ADGRV1: variants seen among roughly 807,000 people sequenced by gnomAD.
ADGRV1 encodes the protein adhesion G protein-coupled receptor V1, also known as G-protein coupled receptor 98.
A neutral mutation model predicts 596.2 loss-of-function variants in ADGRV1; 359 were observed. That is an observed-to-expected ratio of 0.60 (90% CI 0.55 to 0.66). The LOEUF (loss-of-function observed/expected upper bound fraction) is 0.66, where lower values mean the gene tolerates loss of function less well. Ranked by LOEUF, ADGRV1 falls within the 30% of genes least tolerant of loss-of-function variation. ADGRV1 has a pLI of 0.00. For missense variants in ADGRV1, 7,274 were observed against 7,575.6 expected (o/e 0.96, Z 1.48); for synonymous variants, 2,681 against 2,679.2 (o/e 1.00, Z -0.02).
At chr5:91,056,141 T>G (rs1303176086) in intron 85 of ADGRV1, among the ~76,000 whole-genome samples, 3 of 152,230 alleles carry the variant, frequency 2.0e-5, no homozygotes, top group Non-Finnish European at 4.4e-5. Context: ...GCGTTGGTTG[T>G]GCGACGTGTG....
intron 86 of ADGRV1, among the ~76,000 whole-genome samples, chr5:91,092,149 G>A (rs1790441325): frequency 6.6e-6 from 1 of 152,140 alleles, no homozygotes; most frequent in Admixed American, 6.5e-5. Context: ...CACCCAGGCT[G>A]GAGTGCAATG....
intron 77 of ADGRV1, among the ~76,000 whole-genome samples, chr5:90,840,325 G>C (rs985791170): frequency 6.6e-6 from 1 of 152,112 alleles, no homozygotes; most frequent in African/African-American, 2.4e-5. Context: ...GACATTTCTG[G>C]TCTAATTTGC....
intron 75 of ADGRV1, among the ~76,000 whole-genome samples, chr5:90,819,025 G>T (rs1430586472): frequency 5.3e-5 from 8 of 152,092 alleles, no homozygotes; most frequent in African/African-American, 9.7e-5. Flanking sequence ...GTAGAAATCG[G>T]CTGTGAATCC....
rs2149401471 is a variant in ADGRV1, at chr5:90,635,148, T to C, written c.1874T>C (p.Leu625Pro). The change falls in exon 10 of 90, where the codon CTA becomes CCA. Residue 625 changes from leucine (L) to proline (P), a missense_variant. Leu to Pro is a moderately conservative substitution (Grantham distance 98, BLOSUM62 -3). Around this residue, in one of 5 missense-constraint regions of ADGRV1, gnomAD observed 1,715 missense variants for 1,708.8 expected, o/e 1.00. Coordinates refer to ENST00000405460, the MANE Select transcript of ADGRV1 (RefSeq NM_032119.4). ...GTGGAGTTGTTAAACATAATTCCTC[T>C]AATCCCACCCATAAGCCCTAGATTT... ...ETVELLNIIP[L>P]IPPISPRFGE... 2 of 1,606,908 alleles carry C rather than the reference T, an allele frequency of 1.2e-6. No homozygotes were observed. Among genetic ancestry groups the C allele is most frequent in the Non-Finnish European group, 8.5e-7 (1 of 1,173,684 alleles).
intron 3 of ADGRV1, 111 bp downstream of exon 3, chr5:90,618,064 C>T: frequency 1.4e-6 from 1 of 711,456 alleles, no homozygotes; most frequent in Non-Finnish European, 2.2e-6. Flanking sequence ...ATTCAGATAA[C>T]TGGTGGTGGT....
rs761377243 is a variant in ADGRV1 at position 90,683,561 on chromosome 5, G to T, written c.5665-25G>T. On this transcript the variant is annotated intron_variant, in intron 27 of 89. Coordinates refer to ENST00000405460, the MANE Select transcript of ADGRV1 (RefSeq NM_032119.4). Reference sequence around the variant, plus strand: ...ACTGGCTTTAATCTCTCTTTTAATAGATTTTAATATTAAGTATTTTGTAGG... The same window carrying T: ...ACTGGCTTTAATCTCTCTTTTAATATATTTTAATATTAAGTATTTTGTAGG... 8 of 1,515,046 alleles carry T rather than the reference G, an allele frequency of 5.3e-6. No individual in the cohort carries two copies. The African/African-American group carries it at 7.0e-5, about 13-fold the overall frequency. 93.9% of individuals were successfully genotyped at this position (1,515,046 alleles called of 1,614,324 possible). A position where few individuals can be genotyped will look rare whatever the true frequency, so the allele number is the denominator to read the frequency against.
intron 59 of ADGRV1, among the ~76,000 whole-genome samples, chr5:90,771,832 G>C (rs1296352865): frequency 6.6e-6 from 1 of 152,154 alleles, no homozygotes; most frequent in Non-Finnish European, 1.5e-5. Flanking sequence ...ATTGAGCTAA[G>C]TAGGCTCTTT....
chr5:90,917,644 T>C (rs1401486518), intron 83 of ADGRV1, among the ~76,000 whole-genome samples: 1 of 152,216 alleles, frequency 6.6e-6, no homozygotes, highest in Non-Finnish European at 1.5e-5. Flanking sequence ...AGCTCTATTA[T>C]TGAGAGAACC....
intron 84 of ADGRV1, among the ~76,000 whole-genome samples, chr5:90,967,323 T>G (rs1778561986): frequency 6.6e-6 from 1 of 152,178 alleles, no homozygotes; most frequent in Admixed American, 6.6e-5. Flanking sequence ...ATTTTATAGC[T>G]CTTTGAGCAG....
At chr5:90,644,607 G>A in intron 14 of ADGRV1, 99 bp from the exon 15 acceptor site, 1 of 862,406 alleles carries the variant, frequency 1.2e-6, no homozygotes, top group South Asian at 1.6e-5. Flanking sequence ...TTAAAAAGAG[G>A]TGTTGTTTTT....
intron 87 of ADGRV1, among the ~76,000 whole-genome samples, chr5:91,136,721 A>G (rs1454311252): frequency 6.6e-6 from 1 of 152,244 alleles, no homozygotes; most frequent in East Asian, 1.9e-4. Context: ...ACTGAGGTTC[A>G]TATAAATAAA....
intron 85 of ADGRV1, among the ~76,000 whole-genome samples, chr5:91,034,762 C>G (rs1328130379): frequency 1.3e-5 from 2 of 152,122 alleles, no homozygotes; most frequent in African/African-American, 2.4e-5. Context: ...GTCAGAGTGA[C>G]AAGCAGACAA....
At chr5:91,133,927 C>T (rs887263687) in intron 87 of ADGRV1, among the ~76,000 whole-genome samples, 1 of 151,756 alleles carries the variant, frequency 6.6e-6, no homozygotes, top group African/African-American at 2.4e-5. Flanking sequence ...TGTAGCTATG[C>T]TTTTAAAAAA....
chr5:90,684,333 C>T (rs1580726140), intron 28 of ADGRV1, 138 bp downstream of exon 28: 1 of 793,362 alleles, frequency 1.3e-6, no homozygotes, highest in South Asian at 2.4e-5. Context: ...CAACAGTTTA[C>T]CTGTAAGGTA....
chr5:90,663,965 G>A (rs1451413639), intron 21 of ADGRV1, among the ~76,000 whole-genome samples: 1 of 148,214 alleles, frequency 6.7e-6, no homozygotes, highest in Non-Finnish European at 1.5e-5. Context: ...CTGTTCCATT[G>A]ATCTATATCT....
rs374148464 is a variant in ADGRV1, at chr5:90,703,809, G to C, written c.8286+14G>C. 6.4e-7 allele frequency: 1 copy of C among 1,563,090 alleles called. No individual in the cohort carries two copies. Among genetic ancestry groups the C allele is most frequent in the Non-Finnish European group, 8.7e-7 (1 of 1,153,028 alleles). On this transcript the variant is annotated intron_variant, in intron 35 of 89. Coordinates refer to ENST00000405460, the MANE Select transcript of ADGRV1 (RefSeq NM_032119.4). ...TTCTTTCCTGAGGTAATACTGCAAA[G>C]AAAAGTCGATCACAAATATCTAGAA...
chr5:91,073,123 G>T (rs935653554), intron 86 of ADGRV1, among the ~76,000 whole-genome samples: 1 of 152,150 alleles, frequency 6.6e-6, no homozygotes, highest in Non-Finnish European at 1.5e-5. Flanking sequence ...TTTCACTACA[G>T]CTCATTTTTT....
intron 80 of ADGRV1, among the ~76,000 whole-genome samples, chr5:90,853,747 T>C (rs1340037769): frequency 1.3e-5 from 2 of 152,194 alleles, no homozygotes; most frequent in African/African-American, 4.8e-5. Flanking sequence ...AAATACATAT[T>C]ATATATGTGG....
intron 83 of ADGRV1, among the ~76,000 whole-genome samples, chr5:90,963,173 A>G (rs1296299457): frequency 1.3e-5 from 2 of 152,180 alleles, no homozygotes; most frequent in Non-Finnish European, 2.9e-5. Context: ...TGAAGACTTT[A>G]TGGAAATAGA....
Sources: allele counts gnomAD v4.1 joint callset (sites outside exome capture counted in the v4.1 genomes callset), GRCh38; gene constraint gnomAD v4.1.1; regional missense constraint gnomAD v4.1.1; transcripts MANE v1.5; gene names NCBI Gene and HGNC (gene_info 2026-07-23, HGNC 2026-07-21).